TC2N: variants seen among roughly 807,000 people sequenced by gnomAD.
TC2N encodes the protein tandem C2 domains, nuclear, also known as tandem C2 domains nuclear protein.
TC2N carries 51 observed loss-of-function variants against 61.9 expected under a neutral mutation model. The observed-to-expected ratio is 0.82, with a 90% CI of 0.66 to 1.04. The LOEUF is 1.04. Ranked by LOEUF, TC2N falls within the 50% of genes least tolerant of loss-of-function variation. The pLI is 0.00. For synonymous variants in TC2N, 204 were observed against 192.6 expected, an observed-to-expected ratio of 1.06 and a Z score of -0.49; for missense variants, 556 against 566.7, an observed-to-expected ratio of 0.98 and a Z score of 0.19.
intron 1 of TC2N, among the ~76,000 whole-genome samples, chr14:91,842,870 C>T (rs1888189886): frequency 6.6e-6 from 1 of 152,144 alleles, no homozygotes; most frequent in Non-Finnish European, 1.5e-5. Context: ...ACAGTATTGG[C>T]CCCAGGACTT....
At chr14:91,807,907 C>T (rs1010734647) in intron 3 of TC2N, among the ~76,000 whole-genome samples, 21 of 152,096 alleles carry the variant, frequency 1.4e-4, no homozygotes, top group African/African-American at 4.8e-4. Context: ...TTGTGGGAGA[C>T]ACCTGGTAGG....
At chr14:91,803,909 C>G (rs7150007) in intron 3 of TC2N, among the ~76,000 whole-genome samples, 10,188 of 152,146 alleles carry the variant, frequency 0.067, 1,025 homozygotes, top group African/African-American at 0.22. Context: ...CTAACCAGGC[C>G]CGACCCTGCT....
chr14:91,848,020 T>G (rs2139915668), intron 1 of TC2N, among the ~76,000 whole-genome samples: 1 of 152,342 alleles, frequency 6.6e-6, no homozygotes, highest in African/African-American at 2.4e-5. Flanking sequence ...GAGAATAGAA[T>G]GAATTCCCCT....
chr14:91,801,727 CT>C (rs1412865695), intron 4 of TC2N, among the ~76,000 whole-genome samples: 3 of 152,138 alleles, frequency 2.0e-5, no homozygotes, highest in African/African-American at 7.2e-5. Flanking sequence ...AAACTTCTTT[CT>C]TCTTTATGTT....
chr14:91,810,258 C>T (rs1193287447), intron 3 of TC2N, among the ~76,000 whole-genome samples: 1 of 152,106 alleles, frequency 6.6e-6, no homozygotes, highest in South Asian at 2.1e-4. Context: ...GGATCTGCCC[C>T]CATGATCCAA....
At chr14:91,787,377 A>C in intron 10 of TC2N, 136 bp downstream of exon 10, 1 of 561,232 alleles carries the variant, frequency 1.8e-6, no homozygotes, top group East Asian at 3.3e-5. Context: ...AAATCTTATA[A>C]TTTTAAATTT....
intron 6 of TC2N, 38 bp downstream of exon 6, chr14:91,798,951 A>G (rs1886062484): frequency 3.0e-6 from 4 of 1,339,980 alleles, no homozygotes; most frequent in African/African-American, 1.5e-5. Context: ...AGAAATAATT[A>G]TCTTAAGAGT....
rs1333813625 is a variant in TC2N, at chr14:91,782,536, T to C, written c.*564A>G. ...TAGCTTACAAAGGGATAATGTGATG[T>C]CTTATGGGTAAAAAAATTATAAAAC... On this transcript the variant is annotated 3_prime_UTR_variant, in exon 12 of 12. Coordinates refer to ENST00000435962, the MANE Select transcript of TC2N (RefSeq NM_001128596.3). 1 of 152,022 alleles carries C rather than the reference T, an allele frequency of 6.6e-6. No homozygotes were observed. The allele number at this position is 152,022 out of a possible 1,614,324, so 9.4% of individuals were successfully genotyped here.
chr14:91,834,822 T>C (rs1887935284), intron 1 of TC2N, among the ~76,000 whole-genome samples: 1 of 152,176 alleles, frequency 6.6e-6, no homozygotes, highest in Non-Finnish European at 1.5e-5. Context: ...TCTCTACCCA[T>C]CGCTTAATGC....
chr14:91,843,259 G>C lies in TC2N; in HGVS notation c.-57+24003C>G, dbSNP rs79838585. ...GTACCATGGCATTTTGGGAATATTT[G>C]TTACATAGAAATAGTTACCTGACAT... On this transcript the variant is annotated intron_variant, in intron 1 of 11. Coordinates refer to ENST00000435962, the MANE Select transcript of TC2N (RefSeq NM_001128596.3). Among the ~76,000 whole-genome samples the C allele has an allele frequency of 5.6e-3, 858 of 151,940 alleles. 1 individual carries two copies. Among genetic ancestry groups the C allele is most frequent in the Non-Finnish European group, 9.4e-3 (637 of 67,968 alleles).
intron 1 of TC2N, among the ~76,000 whole-genome samples, chr14:91,846,919 C>A (rs1040566289): frequency 6.6e-6 from 1 of 152,106 alleles, no homozygotes; most frequent in African/African-American, 2.4e-5. Flanking sequence ...AAAAAGGATG[C>A]TTTCAGCCCC....
At chr14:91,822,078 GAAAAC>G (rs1887280550) in intron 1 of TC2N, among the ~76,000 whole-genome samples, 1 of 152,086 alleles carries the variant, frequency 6.6e-6, no homozygotes, top group Non-Finnish European at 1.5e-5. Flanking sequence ...GACCACTTTA[GAAAAC>G]AGTTTGACAA....
intron 1 of TC2N, among the ~76,000 whole-genome samples, chr14:91,817,858 A>T (rs1887073355): frequency 6.6e-6 from 1 of 152,162 alleles, no homozygotes. Context: ...TCTAATTAAA[A>T]TGAACACCCA....
chr14:91,840,034 G>A (rs929852457), intron 1 of TC2N, among the ~76,000 whole-genome samples: 1 of 152,160 alleles, frequency 6.6e-6, no homozygotes. Context: ...CTAAGAACAG[G>A]TGAGCCTTCA....
chr14:91,840,621 G>T (rs1451539606), intron 1 of TC2N, among the ~76,000 whole-genome samples: 1 of 152,134 alleles, frequency 6.6e-6, no homozygotes, highest in Non-Finnish European at 1.5e-5. Context: ...TGGGCTTCAG[G>T]AGATCCAGTG....
At chr14:91,788,702 T>G (rs1885483759) in intron 9 of TC2N, among the ~76,000 whole-genome samples, 1 of 152,188 alleles carries the variant, frequency 6.6e-6, no homozygotes, top group South Asian at 2.1e-4. Flanking sequence ...GCTTGGTGTT[T>G]TCTTAAAATA....
intron 1 of TC2N, among the ~76,000 whole-genome samples, chr14:91,854,441 G>A (rs1888439629): frequency 8.0e-6 from 1 of 124,730 alleles, no homozygotes; most frequent in Non-Finnish European, 1.7e-5. Flanking sequence ...GGAAGGAGGA[G>A]GAGGAGATAG....
intron 3 of TC2N, among the ~76,000 whole-genome samples, chr14:91,803,716 A>C (rs945394484): frequency 3.3e-5 from 5 of 152,212 alleles, no homozygotes; most frequent in Non-Finnish European, 7.3e-5. Flanking sequence ...TCAGCCTCCC[A>C]AAGTGCTGGG....
intron 6 of TC2N, 110 bp from the exon 7 acceptor site, chr14:91,798,509 T>C (rs1886036377): frequency 3.0e-6 from 2 of 656,142 alleles, no homozygotes; most frequent in Non-Finnish European, 5.3e-6. Flanking sequence ...GCTACAATTA[T>C]TTTTTAAAGT....
Sources: allele counts gnomAD v4.1 joint callset (sites outside exome capture counted in the v4.1 genomes callset), GRCh38; gene constraint gnomAD v4.1.1; transcripts MANE v1.5; gene names NCBI Gene and HGNC (gene_info 2026-07-23, HGNC 2026-07-21).